DST: variants seen among roughly 807,000 people sequenced by gnomAD.
DST encodes the protein bullous pemphigoid antigen.
DST carries 253 observed loss-of-function variants against 875.2 expected under a neutral mutation model. The observed-to-expected ratio is 0.29, with a 90% CI of 0.26 to 0.32. The LOEUF (loss-of-function observed/expected upper bound fraction) is 0.32. DST is among the 10% of genes least tolerant of loss of function. The pLI is 1.00. For missense variants in DST, 8,287 were observed against 9,111.6 expected (o/e 0.91, Z 3.68); for synonymous variants, 3,124 against 3,197.1 (o/e 0.98, Z 0.77).
intron 2 of DST, among the ~76,000 whole-genome samples, chr6:56,909,904 G>A (rs1043863271): frequency 8.6e-5 from 13 of 152,010 alleles, no homozygotes; most frequent in Non-Finnish European, 1.8e-4. Flanking sequence ...TTAACTGTTT[G>A]TTGTTTTAAT....
chr6:56,932,734 G>T (rs770500084), intron 2 of DST, among the ~76,000 whole-genome samples: 1 of 151,782 alleles, frequency 6.6e-6, no homozygotes, highest in Non-Finnish European at 1.5e-5. Flanking sequence ...CATACCACCT[G>T]CCTTGGTGTG....
At chr6:56,939,070 G>A (rs114727733) in intron 2 of DST, among the ~76,000 whole-genome samples, 1 of 152,388 alleles carries the variant, frequency 6.6e-6, no homozygotes, top group Non-Finnish European at 1.5e-5. Context: ...ACAGCATAAT[G>A]AATCAAATGG....
chr6:56,479,228 T>C (rs1367325162), intron 90 of DST, among the ~76,000 whole-genome samples: 2 of 152,176 alleles, frequency 1.3e-5, no homozygotes, highest in African/African-American at 4.8e-5. Flanking sequence ...CACCCTGAGA[T>C]ATCATATTAC....
intron 52 of DST, 90 bp from the exon 53 acceptor site, chr6:56,572,356 C>A: frequency 1.2e-6 from 1 of 814,142 alleles, no homozygotes; most frequent in Admixed American, 3.5e-5. Context: ...ATCAGAATGG[C>A]TCTATTCATA....
chr6:56,556,807 A>C (rs2097428367), intron 59 of DST, among the ~76,000 whole-genome samples: 1 of 152,056 alleles, frequency 6.6e-6, no homozygotes, highest in Non-Finnish European at 1.5e-5. Flanking sequence ...TCTAACTAAC[A>C]CCCTGGGTTT....
intron 9 of DST, among the ~76,000 whole-genome samples, chr6:56,671,940 T>A (rs188750296): frequency 8.8e-4 from 134 of 152,288 alleles, no homozygotes; most frequent in African/African-American, 3.2e-3. Context: ...AACTTCCTTA[T>A]CTATAAAATG....
At chr6:56,947,267 T>C (rs1016428530) in intron 2 of DST, among the ~76,000 whole-genome samples, 39 of 148,052 alleles carry the variant, frequency 2.6e-4, no homozygotes, top group African/African-American at 2.5e-5. Flanking sequence ...TTTTTTTTTT[T>C]CTGAGACAGA....
At chr6:56,691,012 T>C (rs575152947) in intron 9 of DST, among the ~76,000 whole-genome samples, 1 of 152,346 alleles carries the variant, frequency 6.6e-6, no homozygotes, top group Admixed American at 6.5e-5. Flanking sequence ...AGGCTTTATA[T>C]ACATTGCATT....
intron 9 of DST, among the ~76,000 whole-genome samples, chr6:56,686,348 A>G (rs76948875): frequency 0.02 from 3,001 of 152,286 alleles, 92 homozygotes; most frequent in African/African-American, 0.067. Flanking sequence ...CCTATCAAGT[A>G]TTACATGACA....
intron 4 of DST, among the ~76,000 whole-genome samples, chr6:56,826,119 C>T (rs923986199): frequency 1.3e-5 from 2 of 152,240 alleles, no homozygotes; most frequent in African/African-American, 4.8e-5. Flanking sequence ...TCTCATCCCA[C>T]TGTACTTTGC....
intron 62 of DST, among the ~76,000 whole-genome samples, chr6:56,536,457 G>C (rs935607049): frequency 6.6e-6 from 1 of 152,178 alleles, no homozygotes; most frequent in Non-Finnish European, 1.5e-5. Flanking sequence ...ACATGTCAAT[G>C]ATCTTCTGGA....
In DST at chr6:56,789,362, T is replaced by C. The variant is rs920733004; in HGVS notation, c.626-54073A>G. Among the ~76,000 whole-genome samples, 7 of 152,156 alleles carry C rather than the reference T, an allele frequency of 4.6e-5. No individual in the cohort carries two copies. The South Asian group carries it at 6.2e-4, about 14-fold the overall frequency. ...AAAATTAAATAAAATTGAAAAAATA[T>C]ATATAGTTATATATGCATATGTACA... On this transcript the variant is annotated intron_variant, in intron 4 of 103. Transcript: ENST00000680361.
rs141507259 is a variant in DST, at chr6:56,613,985, G to A, written c.5058+371C>T. Among the ~76,000 whole-genome samples, 267 of 152,160 alleles carry A rather than the reference G, an allele frequency of 1.8e-3. 1 individual carries two copies. Among genetic ancestry groups the A allele is most frequent in the Non-Finnish European group, 2.8e-3 (190 of 67,992 alleles). ...ATGTTTACATCTGTAAGAATAAGACGGCATATCTTTATGACATGGAGTGCA... is the reference window on the plus strand; with the variant it reads ...ATGTTTACATCTGTAAGAATAAGACAGCATATCTTTATGACATGGAGTGCA... On this transcript the variant is annotated intron_variant, in intron 37 of 103. Transcript: ENST00000680361.
chr6:56,683,559 A>G (rs183791143), intron 9 of DST, among the ~76,000 whole-genome samples: 6 of 152,294 alleles, frequency 3.9e-5, no homozygotes, highest in African/African-American at 7.2e-5. Flanking sequence ...CATTCTCCCC[A>G]TGCTCAACGT....
At chr6:56,727,797 T>A (rs1049770205) in intron 5 of DST, among the ~76,000 whole-genome samples, 3 of 152,260 alleles carry the variant, frequency 2.0e-5, no homozygotes, top group African/African-American at 7.2e-5. Flanking sequence ...TTCTTCTTCA[T>A]GATTCAAGAT....
At chr6:56,582,801 T>A (rs1269760030) in intron 49 of DST, among the ~76,000 whole-genome samples, 3 of 152,122 alleles carry the variant, frequency 2.0e-5, no homozygotes, top group Non-Finnish European at 1.5e-5. Context: ...TGTGTCCATG[T>A]GTTCTCATTG....
At chr6:56,480,886 GT>G (rs2152419235) in intron 90 of DST, among the ~76,000 whole-genome samples, 1 of 152,196 alleles carries the variant, frequency 6.6e-6, no homozygotes, top group East Asian at 1.9e-4. Flanking sequence ...ACCTAAGTAT[GT>G]TAATGGAACT....
intron 4 of DST, among the ~76,000 whole-genome samples, chr6:56,744,285 C>T (rs1303903958): frequency 6.6e-6 from 1 of 150,502 alleles, no homozygotes; most frequent in Admixed American, 6.6e-5. Context: ...TAAGAAGTTA[C>T]ATCAGAATTT....
At chr6:56,653,671 G>T (rs1236594181) in intron 10 of DST, among the ~76,000 whole-genome samples, 4 of 152,046 alleles carry the variant, frequency 2.6e-5, no homozygotes, top group Non-Finnish European at 5.9e-5. Flanking sequence ...GACAACAAGA[G>T]CGAAACTCCA....
Sources: allele counts gnomAD v4.1 joint callset (sites outside exome capture counted in the v4.1 genomes callset), GRCh38; gene constraint gnomAD v4.1.1; transcripts MANE v1.5; gene names NCBI Gene and HGNC (gene_info 2026-07-23, HGNC 2026-07-21).